The following ANKMY1 variants were observed in gnomAD, a reference collection of about 807,000 sequenced individuals.
ANKMY1 encodes ankyrin repeat and MYND domain containing 1.
In ANKMY1, 98 loss-of-function variants were observed where a neutral mutation model predicts 102.0. The ratio of observed to expected loss-of-function variants is 0.96; its 90% CI spans 0.82 to 1.14. ANKMY1 has a LOEUF of 1.14. Among genes scored for constraint, ANKMY1 ranks in the 50% most tolerant of loss-of-function variants. ANKMY1 has a pLI of 0.00. For synonymous variants in ANKMY1, 582 were observed against 559.9 expected (o/e 1.04, Z -0.56); for missense variants, 1,330 against 1,347.6 (o/e 0.99, Z 0.20).
the ANKMY1 span, among the ~76,000 whole-genome samples, chr2:240,468,757 C>T: frequency 1.3e-5 from 2 of 152,212 alleles, no homozygotes; most frequent in African/African-American, 2.4e-5. Flanking sequence ...CAACTGGGAC[C>T]TCCAGGCCCC....
At chr2:240,544,780 C>G (rs1361642109) in intron 4 of ANKMY1, among the ~76,000 whole-genome samples, 1 of 152,336 alleles carries the variant, frequency 6.6e-6, no homozygotes, top group East Asian at 1.9e-4. Context: ...CACTCCCACC[C>G]GAATACTGCG....
chr2:240,527,226 GATGA>G (rs1184202483), intron 5 of ANKMY1: 8 of 155,170 alleles, frequency 5.2e-5, no homozygotes, highest in Admixed American at 4.6e-4. Context: ...TGGATTGATG[GATGA>G]ATGGATGGGT....
intron 12 of ANKMY1, 123 bp from the exon 13 acceptor site, chr2:240,507,814 C>G (rs936522235): frequency 2.4e-6 from 3 of 1,226,872 alleles, no homozygotes; most frequent in Non-Finnish European, 3.3e-6. Context: ...CGGAGGCCAC[C>G]GCTGGCCCTT....
chr2:240,551,818 CAG>C (rs1239522103), intron 4 of ANKMY1, among the ~76,000 whole-genome samples: 1 of 152,210 alleles, frequency 6.6e-6, no homozygotes, highest in Non-Finnish European at 1.5e-5. Context: ...AGTAATCCTA[CAG>C]AGAGTTGTTT....
chr2:240,555,266 G>A (rs1559393697), intron 2 of ANKMY1: 6 of 594,604 alleles, frequency 1.0e-5, no homozygotes, highest in East Asian at 8.4e-5. Context: ...GGAATGCACA[G>A]TAAGGCTGCC....
intron 4 of ANKMY1, among the ~76,000 whole-genome samples, chr2:240,544,077 TAG>T (rs1274957015): frequency 1.3e-5 from 2 of 152,168 alleles, no homozygotes; most frequent in Admixed American, 1.3e-4. Context: ...GTTCAAATTA[TAG>T]AGTTAAAAGG....
chr2:240,491,585 T>A (rs1472301508), intron 15 of ANKMY1, among the ~76,000 whole-genome samples: 2 of 152,208 alleles, frequency 1.3e-5, no homozygotes, highest in Non-Finnish European at 2.9e-5. Context: ...CCCTTGAGCA[T>A]TTGTAGAACT....
chr2:240,479,477 T>A lies in ANKMY1; in HGVS notation c.*132A>T. On this transcript the variant is annotated 3_prime_UTR_variant, in exon 18 of 18. Coordinates refer to ENST00000401804, the MANE Select transcript of ANKMY1 (RefSeq NM_001282771.3). ...TATTGCGAGGTCGCAAGGGAGACAC[T>A]GCTACAAAGCATGACCCCAAAGGTG... 8.9e-7 allele frequency: 1 copy of A among 1,117,930 alleles called. No homozygotes were observed. The highest frequency in any genetic ancestry group is 1.3e-6 in the Non-Finnish European group (1 of 760,322). 69.3% of individuals were successfully genotyped at this position (1,117,930 alleles called of 1,614,324 possible). A position where few individuals can be genotyped will look rare whatever the true frequency, so the allele number is the denominator to read the frequency against.
rs76404738 is a variant in ANKMY1 at position 240,516,446 on chromosome 2, C to T, written c.2005-3504G>A. Among the ~76,000 whole-genome samples the T allele has an allele frequency of 2.8e-4, 42 of 152,264 alleles. 1 individual carries two copies. The East Asian group carries it at 6.4e-3, about 23-fold the overall frequency. On this transcript the variant is annotated intron_variant, in intron 9 of 17. Coordinates refer to ENST00000401804, the MANE Select transcript of ANKMY1 (RefSeq NM_001282771.3). Reference sequence around the variant, plus strand: ...TAACCTTCTCTAGGTTATATGTATACAGATACGTTGTTCCTATGTGTTCCA... The same window carrying T: ...TAACCTTCTCTAGGTTATATGTATATAGATACGTTGTTCCTATGTGTTCCA...
intron 4 of ANKMY1, among the ~76,000 whole-genome samples, chr2:240,535,852 C>T (rs1426667553): frequency 6.6e-6 from 1 of 151,576 alleles, no homozygotes; most frequent in Non-Finnish European, 1.5e-5. Flanking sequence ...CACCACACCC[C>T]CCTAAATAGT....
intron 17 of ANKMY1, 79 bp from the exon 18 acceptor site, chr2:240,479,734 G>T: frequency 7.7e-7 from 1 of 1,291,970 alleles, no homozygotes; most frequent in Non-Finnish European, 1.1e-6. Flanking sequence ...CCAGAACTCG[G>T]GCTGTGTGGG....
At chr2:240,476,835 G>C (rs2074888303), downstream of ANKMY1, among the ~76,000 whole-genome samples, 2 of 152,220 alleles carry the variant, frequency 1.3e-5, no homozygotes, top group African/African-American at 4.8e-5. Context: ...AGCCCAGCAA[G>C]GGACTGCTCT....
At chr2:240,561,040 T>C (rs1032543680), upstream of ANKMY1, 1 of 1,524,708 alleles carries the variant, frequency 6.6e-7, no homozygotes, top group Non-Finnish European at 8.7e-7. Flanking sequence ...GCGTACCTCA[T>C]GCGGCACCGC....
intron 9 of ANKMY1, among the ~76,000 whole-genome samples, chr2:240,514,000 T>C (rs753034514): frequency 3.9e-5 from 6 of 152,242 alleles, no homozygotes; most frequent in African/African-American, 1.4e-4. Flanking sequence ...CGCTGCTCCA[T>C]GGTAACCACA....
At chr2:240,486,974 AG>A (rs1224264852) in intron 15 of ANKMY1, among the ~76,000 whole-genome samples, 4 of 152,230 alleles carry the variant, frequency 2.6e-5, no homozygotes, top group Non-Finnish European at 5.9e-5. Flanking sequence ...TATACTGTGT[AG>A]TGATCAAGTT....
At chr2:240,469,766 TCA>T in the ANKMY1 span, among the ~76,000 whole-genome samples, 1 of 151,290 alleles carries the variant, frequency 6.6e-6, no homozygotes, top group African/African-American at 2.4e-5. Context: ...ATGCACGTCC[TCA>T]CATGCCCACA....
chr2:240,555,936 G>C (rs540710234), intron 2 of ANKMY1, among the ~76,000 whole-genome samples: 42 of 152,350 alleles, frequency 2.8e-4, no homozygotes, highest in Middle Eastern at 3.4e-3. Flanking sequence ...TGGATGGGGC[G>C]TCTCAAAGGG....
At chr2:240,485,574 C>T (rs1220882284) in intron 15 of ANKMY1, among the ~76,000 whole-genome samples, 4 of 149,436 alleles carry the variant, frequency 2.7e-5, no homozygotes, top group African/African-American at 1.0e-4. Context: ...GCCTTTACCA[C>T]ATGAATCTTC....
chr2:240,514,794 G>C (rs573478137), intron 9 of ANKMY1, among the ~76,000 whole-genome samples: 1 of 152,356 alleles, frequency 6.6e-6, no homozygotes, highest in African/African-American at 2.4e-5. Flanking sequence ...CAGCATGGTG[G>C]AGGGAGGCAA....
Sources: allele counts gnomAD v4.1 joint callset (sites outside exome capture counted in the v4.1 genomes callset), GRCh38; gene constraint gnomAD v4.1.1; transcripts MANE v1.5; gene names NCBI Gene and HGNC (gene_info 2026-07-23, HGNC 2026-07-21).